DACH2: variants seen among roughly 807,000 people sequenced by gnomAD.
DACH2 encodes the protein dachshund homolog 2.
In DACH2, 17 loss-of-function variants were observed where a neutral mutation model predicts 35.8. The ratio of observed to expected loss-of-function variants is 0.48; its 90% CI spans 0.33 to 0.71. The LOEUF (loss-of-function observed/expected upper bound fraction) is 0.71. Ranked by LOEUF, DACH2 falls within the 30% of genes least tolerant of loss-of-function variation. The pLI is 0.02. For synonymous variants in DACH2, 195 were observed against 177.3 expected, an observed-to-expected ratio of 1.10 and a Z score of -0.79; for missense variants, 469 against 472.7, an observed-to-expected ratio of 0.99 and a Z score of 0.07.
At chrX:86,816,591 C>T (rs1250990928) in intron 11 of DACH2, among the ~76,000 whole-genome samples, 1 of 111,478 alleles carries the variant, frequency 9.0e-6, no homozygotes, top group African/African-American at 3.3e-5. Flanking sequence ...TCTTAGAGAC[C>T]ACTTAAGTAT....
rs191015472 is a variant in DACH2, at chrX:86,459,746, T to G, written c.528-54533T>G. 4.8e-4 allele frequency among the ~76,000 whole-genome samples: 54 copies of G among 111,561 alleles called. 1 individual carries two copies. In the East Asian group the frequency reaches 0.015, roughly 30 times the overall value. ...AACAGCTCTAAAATGTTAGTACGTG[T>G]GCAGACTGTTGCTATTAAGTAGAGT... On this transcript the variant is annotated intron_variant, in intron 2 of 11. Coordinates refer to ENST00000373125, the MANE Select transcript of DACH2 (RefSeq NM_053281.3).
chrX:86,439,952 C>A (rs1356921364), intron 2 of DACH2, among the ~76,000 whole-genome samples: 4 of 111,544 alleles, frequency 3.6e-5, no homozygotes, highest in Non-Finnish European at 1.9e-5. Context: ...TTACCGATTT[C>A]TGTTTAATTC....
intron 1 of DACH2, among the ~76,000 whole-genome samples, chrX:86,307,204 G>T (rs778292374): frequency 3.3e-4 from 37 of 111,700 alleles, no homozygotes; most frequent in Non-Finnish European, 5.8e-4. Context: ...CTGTCTCCTG[G>T]CTTCAGAAGC....
chrX:86,221,294 C>G (rs1395212275), intron 1 of DACH2, among the ~76,000 whole-genome samples: 3 of 111,510 alleles, frequency 2.7e-5, no homozygotes, highest in Non-Finnish European at 5.6e-5. Context: ...TCAGTTTTCC[C>G]AACATTATTT....
intron 2 of DACH2, among the ~76,000 whole-genome samples, chrX:86,500,942 C>A (rs2038241172): frequency 9.0e-6 from 1 of 111,518 alleles, no homozygotes; most frequent in South Asian, 3.8e-4. Context: ...ATCCTTCCAA[C>A]ACAAAGGGAG....
intron 4 of DACH2, among the ~76,000 whole-genome samples, chrX:86,661,238 A>G (rs1489543172): frequency 8.9e-6 from 1 of 112,290 alleles, no homozygotes; most frequent in African/African-American, 3.2e-5. Flanking sequence ...AACTACTATC[A>G]TTATGTAATT....
chrX:86,739,589 A>T (rs2041631957), intron 6 of DACH2, among the ~76,000 whole-genome samples, 158 bp from the exon 7 acceptor site: 1 of 112,457 alleles, frequency 8.9e-6, no homozygotes, highest in African/African-American at 3.2e-5. Flanking sequence ...AGAATCAAAA[A>T]TATATTTTTG....
intron 11 of DACH2, chrX:86,827,805 C>T (rs765386119): frequency 1.7e-5 from 20 of 1,160,022 alleles, no homozygotes; most frequent in South Asian, 1.3e-4. Flanking sequence ...ATCATAGGCA[C>T]GAATAGGGTG....
intron 7 of DACH2, among the ~76,000 whole-genome samples, chrX:86,759,512 T>C (rs2041859280): frequency 9.0e-6 from 1 of 110,788 alleles, no homozygotes; most frequent in Non-Finnish European, 1.9e-5. Flanking sequence ...TGTATGTGTT[T>C]ACAGGTGAGA....
At chrX:86,775,040 C>T (rs949389689) in intron 7 of DACH2, among the ~76,000 whole-genome samples, 3 of 111,238 alleles carry the variant, frequency 2.7e-5, no homozygotes, top group Non-Finnish European at 5.7e-5. Context: ...ACTATAGGGA[C>T]TTTATAGTGT....
intron 2 of DACH2, among the ~76,000 whole-genome samples, chrX:86,445,180 T>G (rs368681104): frequency 8.2e-5 from 9 of 110,268 alleles, no homozygotes; most frequent in East Asian, 5.8e-4. Context: ...GCTTTTGATG[T>G]ATCCCATAGG....
At chrX:86,151,706 A>G (rs1443706984) in intron 1 of DACH2, among the ~76,000 whole-genome samples, 1 of 111,742 alleles carries the variant, frequency 8.9e-6, no homozygotes, top group Non-Finnish European at 1.9e-5. Flanking sequence ...TATTTACAGA[A>G]ATGTATACTT....
chrX:86,577,746 T>A (rs940151910), intron 3 of DACH2, among the ~76,000 whole-genome samples: 2 of 110,945 alleles, frequency 1.8e-5, no homozygotes, highest in African/African-American at 6.6e-5. Context: ...AGGCTGAAGA[T>A]TAAGTTGATC....
chrX:86,439,601 C>T lies in DACH2; in HGVS notation c.527+62739C>T, dbSNP rs745859041. 1.6e-4 allele frequency among the ~76,000 whole-genome samples: 18 copies of T among 111,333 alleles called. No individual in the cohort carries two copies. In the South Asian group the frequency reaches 5.6e-3, roughly 35 times the overall value. On this transcript the variant is annotated intron_variant, in intron 2 of 11. Transcript: ENST00000373125. The stretch of plus-strand genomic sequence containing the variant: ...ACCATGTGAGATAAGGGCTCAGTTT[C>T]GTTCTTCTGCATATAGATATCCAAT...
intron 1 of DACH2, among the ~76,000 whole-genome samples, chrX:86,279,571 A>G (rs1403060423): frequency 9.0e-6 from 1 of 111,413 alleles, no homozygotes; most frequent in Non-Finnish European, 1.9e-5. Context: ...TACAAGCAGC[A>G]CAAAAAGGCT....
chrX:86,451,887 A>C (rs1450662144), intron 2 of DACH2, among the ~76,000 whole-genome samples: 3 of 111,511 alleles, frequency 2.7e-5, no homozygotes, highest in Non-Finnish European at 5.7e-5. Context: ...TACTATGTTC[A>C]ATAAAAGTGG....
At chrX:86,553,231 A>G (rs1015916771) in intron 3 of DACH2, among the ~76,000 whole-genome samples, 1 of 111,511 alleles carries the variant, frequency 9.0e-6, no homozygotes. Flanking sequence ...TAAGTCCAAG[A>G]GTCCAAAAGC....
intron 1 of DACH2, among the ~76,000 whole-genome samples, chrX:86,167,551 TC>T (rs1314386245): frequency 1.8e-5 from 2 of 111,532 alleles, no homozygotes; most frequent in Non-Finnish European, 3.8e-5. Flanking sequence ...TTTATTTCTT[TC>T]CCAATTTTCA....
chrX:86,589,807 G>A (rs1300836593), intron 3 of DACH2, among the ~76,000 whole-genome samples: 1 of 111,453 alleles, frequency 9.0e-6, no homozygotes, highest in African/African-American at 3.3e-5. Flanking sequence ...TTTAGCCTGC[G>A]TTCTTTCACT....
Sources: allele counts gnomAD v4.1 joint callset (sites outside exome capture counted in the v4.1 genomes callset), GRCh38; gene constraint gnomAD v4.1.1; transcripts MANE v1.5; gene names NCBI Gene and HGNC (gene_info 2026-07-23, HGNC 2026-07-21).